GLT1D1: variants seen among roughly 807,000 people sequenced by gnomAD.
The protein encoded by GLT1D1 is glycosyltransferase 1 domain containing 1, also known as glycosyltransferase 1 domain-containing protein 1.
In GLT1D1, 21 loss-of-function variants were observed where a neutral mutation model predicts 28.7. That is an observed-to-expected ratio of 0.73 (90% CI 0.52 to 1.05). GLT1D1 has a LOEUF of 1.05. GLT1D1 is among the 50% of genes least tolerant of loss of function. The pLI, the probability that GLT1D1 is intolerant of heterozygous loss-of-function variation, is 0.00. For synonymous variants in GLT1D1, 147 were observed against 124.8 expected, an observed-to-expected ratio of 1.18 and a Z score of -1.19; for missense variants, 343 against 330.6, an observed-to-expected ratio of 1.04 and a Z score of -0.29.
At chr12:128,854,543 G>A (rs1052486146) in intron 1 of GLT1D1, among the ~76,000 whole-genome samples, 1 of 152,016 alleles carries the variant, frequency 6.6e-6, no homozygotes, top group Admixed American at 6.6e-5. Flanking sequence ...TGTCACCCAG[G>A]CTGGAGTGCA....
chr12:128,858,192 C>G (rs1956270641), intron 1 of GLT1D1, among the ~76,000 whole-genome samples: 1 of 152,174 alleles, frequency 6.6e-6, no homozygotes, highest in Non-Finnish European at 1.5e-5. Context: ...GCCCTACAAA[C>G]CATAAAATCC....
At chr12:128,947,214 C>T in intron 5 of GLT1D1, 124 bp from the exon 10 acceptor site, 1 of 1,085,704 alleles carries the variant, frequency 9.2e-7, no homozygotes, top group Non-Finnish European at 1.4e-6. Flanking sequence ...TGGCTGAACG[C>T]TTGGTCAACA....
At position 128,966,591 on chromosome 12, in the gene GLT1D1, G is replaced by A. The variant is rs1013704283; in HGVS notation, c.639+8948G>A. On this transcript the variant is annotated intron_variant, in intron 7 of 7. Coordinates refer to ENST00000281703, the MANE Select transcript of GLT1D1 (RefSeq NM_144669.3). ...AATGGGGAAGTGAGGCCTCATCTGG[G>A]GGGTTTTGTGCTCTTCTGCACGCAG... Among the ~76,000 whole-genome samples, 4 of 152,280 alleles carry A rather than the reference G, an allele frequency of 2.6e-5. No individual in the cohort carries two copies. In the South Asian group the frequency reaches 8.3e-4, roughly 32 times the overall value.
chr12:128,944,820 A>ATAT (rs777059390), intron 4 of GLT1D1: 314 of 242,966 alleles, frequency 1.3e-3, no homozygotes, highest in Middle Eastern at 4.3e-3. Flanking sequence ...ATATATATAT[A>ATAT]AAGTTCTGGG....
chr12:128,872,235 C>T (rs547359368), intron 1 of GLT1D1, among the ~76,000 whole-genome samples: 11 of 152,246 alleles, frequency 7.2e-5, no homozygotes, highest in Non-Finnish European at 1.3e-4. Flanking sequence ...TGAGCCACCG[C>T]GCCTGGCCGA....
In GLT1D1 at chr12:128,880,574, G is replaced by A. The variant is rs139255935; in HGVS notation, c.217+4512G>A. ...CTGTGCACCGTGAGGTTTTCACTTA[G>A]CAAAGTATCTGGGGACCTTCTCTGC... On this transcript the variant is annotated intron_variant, in intron 2 of 7. Coordinates refer to ENST00000281703, the MANE Select transcript of GLT1D1 (RefSeq NM_144669.3). 5.3e-5 allele frequency among the ~76,000 whole-genome samples: 8 copies of A among 152,292 alleles called. No individual in the cohort carries two copies. The East Asian group carries it at 1.5e-3, about 29-fold the overall frequency.
At chr12:128,939,839 C>CA (rs924586947) in intron 4 of GLT1D1, among the ~76,000 whole-genome samples, 5 of 140,932 alleles carry the variant, frequency 3.5e-5, no homozygotes, top group South Asian at 2.3e-4. Flanking sequence ...TGTTAGAAAC[C>CA]CCCCCCCACC....
chr12:128,949,831 C>T (rs775536754), intron 6 of GLT1D1, among the ~76,000 whole-genome samples: 17 of 151,896 alleles, frequency 1.1e-4, no homozygotes, highest in African/African-American at 2.4e-4. Flanking sequence ...CATGTACACA[C>T]GCACATGCAC....
At chr12:128,964,963 A>G (rs1487975896) in intron 7 of GLT1D1, among the ~76,000 whole-genome samples, 2 of 152,202 alleles carry the variant, frequency 1.3e-5, no homozygotes, top group African/African-American at 4.8e-5. Context: ...GTGTGAGGGA[A>G]GGAATGGCCT....
intron 4 of GLT1D1, 85 bp from the exon 8 acceptor site, chr12:128,927,020 G>C: frequency 1.2e-6 from 1 of 827,344 alleles, no homozygotes; most frequent in South Asian, 1.7e-5. Flanking sequence ...ATGTTATTGA[G>C]AAATTTATAT....
In GLT1D1 at chr12:128,864,148, C is replaced by G. The variant is rs774460732; in HGVS notation, c.68+10499C>G. 1.0e-5 allele frequency: 7 copies of G among 685,678 alleles called. No individual in the cohort carries two copies. In the South Asian group the frequency reaches 1.1e-4, roughly 10 times the overall value. 42.5% of individuals were successfully genotyped at this position (685,678 alleles called of 1,614,324 possible). A position where few individuals can be genotyped will look rare whatever the true frequency, so the allele number is the denominator to read the frequency against. ...GCTGGGGCAGGAGAGTCTTAACATG[C>G]TGACTGCGAGGTGCCTGTCAGACGA... On this transcript the variant is annotated intron_variant, in intron 1 of 7. Transcript: ENST00000281703.
intron 4 of GLT1D1, among the ~76,000 whole-genome samples, chr12:128,923,037 T>C (rs577652003): frequency 3.6e-4 from 55 of 152,240 alleles, no homozygotes; most frequent in Non-Finnish European, 7.4e-4. Flanking sequence ...GTGACAATTT[T>C]CCAAGGCTTT....
At chr12:128,931,917 G>GCACACA (rs372135029) in intron 4 of GLT1D1, among the ~76,000 whole-genome samples, 4 of 141,104 alleles carry the variant, frequency 2.8e-5, no homozygotes, top group Admixed American at 6.9e-5. Context: ...ACACACGCAC[G>GCACACA]CACACACACA....
chr12:128,926,357 A>G lies in GLT1D1; in HGVS notation c.376-18969A>G. The G allele has an allele frequency of 6.8e-7, 1 of 1,465,166 alleles. No homozygotes were observed. The highest frequency in any genetic ancestry group is 1.2e-5 in the South Asian group (1 of 82,422). 90.8% of individuals were successfully genotyped at this position (1,465,166 alleles called of 1,614,324 possible). ...AAAACATTCTGAACTCTTCTCTTAC[A>G]GAGATTAACCAAAGTGCTGATAATT... is the stretch of plus-strand genomic sequence containing the variant. On this transcript the variant is annotated intron_variant, in intron 4 of 7. Transcript: ENST00000281703.
chr12:128,951,708 C>G (rs527637170), intron 6 of GLT1D1, among the ~76,000 whole-genome samples: 1 of 152,322 alleles, frequency 6.6e-6, no homozygotes, highest in South Asian at 2.1e-4. Context: ...GCCCAGGCAC[C>G]GCCCGTCTCC....
At chr12:128,908,813 G>A (rs1871222898) in intron 4 of GLT1D1, among the ~76,000 whole-genome samples, 1 of 152,132 alleles carries the variant, frequency 6.6e-6, no homozygotes, top group Non-Finnish European at 1.5e-5. Context: ...GCCGGGCGTG[G>A]TGACGGGCGC....
intron 3 of GLT1D1, among the ~76,000 whole-genome samples, chr12:128,894,706 C>T (rs1420174044): frequency 2.0e-5 from 3 of 151,528 alleles, no homozygotes; most frequent in South Asian, 2.1e-4. Context: ...AAAAATTAGC[C>T]GAGCATGGTG....
rs771286662 is a variant in GLT1D1, at chr12:128,855,223, T to TAAA, written c.68+1592_68+1594dup. Among the ~76,000 whole-genome samples the TAAA allele has an allele frequency of 3.1e-3, 252 of 81,274 alleles. 1 individual carries two copies. Among genetic ancestry groups the TAAA allele is most frequent in the Middle Eastern group, 8.6e-3 (1 of 116 alleles). The allele number at this position is 81,274 out of a possible 152,430, so 53.3% of individuals were successfully genotyped here. ...CTGGGTGACAGAGCCAGACTCCATC[T>TAAA]AAAAAAAAAAAAAAAAAAAACAACA... is the stretch of plus-strand genomic sequence containing the variant. On this transcript the variant is annotated intron_variant, in intron 1 of 7. Coordinates refer to ENST00000281703, the MANE Select transcript of GLT1D1 (RefSeq NM_144669.3).
intron 7 of GLT1D1, among the ~76,000 whole-genome samples, chr12:128,982,719 T>TGTGC (rs1332905710): frequency 6.6e-6 from 1 of 152,046 alleles, no homozygotes; most frequent in Non-Finnish European, 1.5e-5. Context: ...TGCATGTATG[T>TGTGC]GTGCGTGTGT....
Sources: gnomAD v4.1 joint callset for allele counts (sites outside exome capture counted in the v4.1 genomes callset) on GRCh38, gnomAD v4.1.1 for gene constraint, MANE v1.5 for transcripts, NCBI Gene and HGNC (gene_info 2026-07-23, HGNC 2026-07-21) for gene names.